SCN7A: variants seen among roughly 807,000 people sequenced by gnomAD.
SCN7A encodes the protein sodium channel protein type 7 subunit alpha.
Under a neutral mutation model 155.2 loss-of-function variants are expected in SCN7A, and 138 were observed. That is an observed-to-expected ratio of 0.89 (90% CI 0.77 to 1.02). SCN7A has a LOEUF of 1.02. Among genes scored for constraint, SCN7A ranks in the 50% least tolerant of loss-of-function variants. The pLI is 0.00. For synonymous variants in SCN7A, 693 were observed against 649.0 expected, an observed-to-expected ratio of 1.07 and a Z score of -1.03; for missense variants, 2,058 against 1,986.6, an observed-to-expected ratio of 1.04 and a Z score of -0.68.
chr2:166,431,715 G>A (rs980250451), intron 16 of SCN7A, among the ~76,000 whole-genome samples: 16 of 151,952 alleles, frequency 1.1e-4, no homozygotes, highest in African/African-American at 2.4e-4. Context: ...AAGCCAGTGC[G>A]TTATAAAGCT....
chr2:166,452,905 T>C (rs1467589533), intron 11 of SCN7A, among the ~76,000 whole-genome samples: 1 of 152,196 alleles, frequency 6.6e-6, no homozygotes, highest in East Asian at 1.9e-4. Context: ...AAACATTTTA[T>C]GTGACTGCTA....
chr2:166,433,550 T>G (rs1024863488), intron 15 of SCN7A, among the ~76,000 whole-genome samples: 1 of 152,122 alleles, frequency 6.6e-6, no homozygotes, highest in African/African-American at 2.4e-5. Context: ...ATGTCAAATA[T>G]CAAACGATCA....
At chr2:166,451,356 A>G (rs1370420599) in intron 11 of SCN7A, among the ~76,000 whole-genome samples, 1 of 152,228 alleles carries the variant, frequency 6.6e-6, no homozygotes, top group African/African-American at 2.4e-5. Context: ...CTAAGGATAT[A>G]GCTATTTTAC....
chr2:166,426,086 G>T (rs776099902), intron 18 of SCN7A, among the ~76,000 whole-genome samples: 17 of 152,058 alleles, frequency 1.1e-4, no homozygotes, highest in Non-Finnish European at 2.1e-4. Context: ...AGACATATGT[G>T]CCTCCTACTC....
intron 15 of SCN7A, among the ~76,000 whole-genome samples, chr2:166,436,846 C>A (rs1701850105): frequency 1.3e-5 from 2 of 152,172 alleles, no homozygotes; most frequent in African/African-American, 4.8e-5. Context: ...TGCCCTTTCC[C>A]TAGAGATCTG....
Position 166,406,373 on chromosome 2 carries a change from G to C in SCN7A, c.4256C>G (p.Thr1419Ser), listed in dbSNP as rs746589642. The C allele has an allele frequency of 4.9e-5, 79 of 1,612,936 alleles. 3 individuals are homozygous for C. In the South Asian group the frequency reaches 8.1e-4, roughly 17 times the overall value. The change falls in exon 26 of 26, where the codon ACC becomes AGC. Residue 1419 changes from threonine (T) to serine (S), a missense_variant. By Grantham distance (58) the Thr-to-Ser change is moderately conservative. Transcript: ENST00000643258. The part of the protein sequence containing the change: ...AGINDVSNFE[T>S]FGNSMLCLFQ... ...AAGACAGAGCATACTGTTGCCAAAG[G>C]TTTCAAAATTAGACACATCATTAAT... is the stretch of plus-strand genomic sequence containing the variant.
At chr2:166,464,540 C>T (rs918435487) in intron 9 of SCN7A, among the ~76,000 whole-genome samples, 18 of 152,166 alleles carry the variant, frequency 1.2e-4, no homozygotes, top group South Asian at 2.1e-4. Flanking sequence ...ATTTTAAGAA[C>T]GAGGTTTTTA....
chr2:166,483,678 T>C (rs970442396), intron 2 of SCN7A, among the ~76,000 whole-genome samples: 2 of 151,866 alleles, frequency 1.3e-5, no homozygotes, highest in African/African-American at 4.8e-5. Flanking sequence ...CTTAGTTTAA[T>C]GAAGGAAAGT....
chr2:166,482,890 A>G (rs1342184382), intron 2 of SCN7A, among the ~76,000 whole-genome samples: 1 of 152,090 alleles, frequency 6.6e-6, no homozygotes, highest in Non-Finnish European at 1.5e-5. Context: ...TCTGTGGGGA[A>G]TTTATGTAAT....
In SCN7A at chr2:166,413,547, G is replaced by A. The variant is rs1424188054; in HGVS notation, c.3415-426C>T. 2.0e-5 allele frequency among the ~76,000 whole-genome samples: 3 copies of A among 151,942 alleles called. No individual in the cohort carries two copies. In the East Asian group the frequency reaches 5.8e-4, roughly 29 times the overall value. ...CTAAAGAGATAAAAAGTAGTGACTT[G>A]GGTTGAACTAAAGAATTATTACCTG... On this transcript the variant is annotated intron_variant, in intron 21 of 25. Transcript: ENST00000643258.
chr2:166,420,934 A>G (rs1701497437), intron 20 of SCN7A, among the ~76,000 whole-genome samples: 1 of 151,964 alleles, frequency 6.6e-6, no homozygotes, highest in South Asian at 2.1e-4. Flanking sequence ...ATATATTTTT[A>G]AAACTATATT....
Position 166,477,649 on chromosome 2 carries a change from C to T in SCN7A, c.48G>A (p.Glu16=). 1 of 1,606,438 alleles carries T rather than the reference C, an allele frequency of 6.2e-7. No individual in the cohort carries two copies. The highest frequency in any genetic ancestry group is 2.2e-5 in the East Asian group (1 of 44,672). ...EPKGLVPFTK[E]SFELIKQHIA... is the part of the protein sequence containing the mutation. ...TATGCTGTTTTATAAGTTCAAAAGA[C>T]TCTTTAGTGAAGGGAACAAGGCCCT... Residue 16 remains glutamate (E), a synonymous_variant, in exon 3 of 26, where the codon GAG becomes GAA. Transcript: ENST00000643258.
chr2:166,432,741 C>T lies in SCN7A; in HGVS notation c.2169G>A (p.Leu723=). Residue 723 remains leucine, a synonymous_variant, in exon 16 of 26, where the codon CTG becomes CTA. Transcript: ENST00000643258. ...TAAATGAGCTCACCAATGCCAGAAA[C>T]AGGTAAAGTACCTAAATAAGGAAGT... ...ILIGNLLVLY[L]FLALVSSFSS... 6.5e-7 allele frequency: 1 copy of T among 1,535,768 alleles called. No homozygotes were observed. Among genetic ancestry groups the T allele is most frequent in the Non-Finnish European group, 8.7e-7 (1 of 1,147,848 alleles).
At chr2:166,493,280 G>A (rs945724596) in intron 1 of SCN7A, among the ~76,000 whole-genome samples, 3 of 152,112 alleles carry the variant, frequency 2.0e-5, no homozygotes, top group Non-Finnish European at 2.9e-5. Flanking sequence ...GGGGCCCATC[G>A]GTGTGTCATT....
intron 8 of SCN7A, 75 bp downstream of exon 8, chr2:166,465,706 C>T: frequency 6.7e-7 from 1 of 1,496,108 alleles, no homozygotes; most frequent in South Asian, 1.1e-5. Context: ...GTTGAGTGTT[C>T]AACATTTCTG....
At position 166,444,754 on chromosome 2, in the gene SCN7A, A is replaced by T; in HGVS notation, c.1626+8T>A. ...GCAAATGAAAATAATGTACAATGAGAGTCTTACCAGGTTTCCAATGTTGAG... is the reference window on the plus strand; with the variant it reads ...GCAAATGAAAATAATGTACAATGAGTGTCTTACCAGGTTTCCAATGTTGAG... On this transcript the variant is annotated splice_region_variant and intron_variant, in intron 13 of 25. Coordinates refer to ENST00000643258, the MANE Select transcript of SCN7A (RefSeq NM_002976.4). 1 of 1,428,444 alleles carries T rather than the reference A, an allele frequency of 7.0e-7. No individual in the cohort carries two copies. Among genetic ancestry groups the T allele is most frequent in the Non-Finnish European group, 9.7e-7 (1 of 1,028,886 alleles). 88.5% of individuals were successfully genotyped at this position (1,428,444 alleles called of 1,614,324 possible). A position where few individuals can be genotyped will look rare whatever the true frequency, so the allele number is the denominator to read the frequency against.
At chr2:166,410,349 T>C (rs1280638089) in intron 23 of SCN7A, 25 bp from the exon 24 acceptor site, 1 of 1,473,302 alleles carries the variant, frequency 6.8e-7, no homozygotes, top group African/African-American at 1.4e-5. Flanking sequence ...GAAAAATATA[T>C]TAAAATCACA....
rs947231571 is a variant in SCN7A at position 166,424,790 on chromosome 2, G to A, written c.2854-1358C>T. ...TAAGGCTCCCATCGTAGATGGGAAC[G>A]ATGGAAATCACAAACTATAATTGCA... On this transcript the variant is annotated intron_variant, in intron 18 of 25. Coordinates refer to ENST00000643258, the MANE Select transcript of SCN7A (RefSeq NM_002976.4). 5.3e-5 allele frequency among the ~76,000 whole-genome samples: 8 copies of A among 152,006 alleles called. No individual in the cohort carries two copies. In the East Asian group the frequency reaches 7.7e-4, roughly 15 times the overall value.
chr2:166,424,834 C>T (rs1701587739), intron 18 of SCN7A, among the ~76,000 whole-genome samples: 1 of 152,106 alleles, frequency 6.6e-6, no homozygotes, highest in Non-Finnish European at 1.5e-5. Flanking sequence ...CATCATTTGA[C>T]ACATGCTTTT....
Sources: gnomAD v4.1 joint callset for allele counts (sites outside exome capture counted in the v4.1 genomes callset) on GRCh38, gnomAD v4.1.1 for gene constraint, MANE v1.5 for transcripts, NCBI Gene and HGNC (gene_info 2026-07-23, HGNC 2026-07-21) for gene names.